Variants in TTC7A observed in about 807,000 individuals in gnomAD.
The protein encoded by TTC7A is tetratricopeptide repeat domain 7A, also known as tetratricopeptide repeat protein 7A.
A neutral mutation model predicts 103.7 loss-of-function variants in TTC7A; 110 were observed. The ratio of observed to expected loss-of-function variants is 1.06; its 90% CI spans 0.91 to 1.24. TTC7A has a LOEUF of 1.24. Ranked by LOEUF, TTC7A falls within the 50% of genes most tolerant of loss-of-function variation. The pLI is 0.00. For missense variants in TTC7A, 1,340 were observed against 1,116.3 expected, an observed-to-expected ratio of 1.20 and a Z score of -2.86; for synonymous variants, 521 against 467.9, an observed-to-expected ratio of 1.11 and a Z score of -1.47.
At chr2:46,999,710 G>C in intron 8 of TTC7A, 2 of 985,438 alleles carry the variant, frequency 2.0e-6, no homozygotes, top group Non-Finnish European at 2.4e-6. Context: ...GATTTTCTGA[G>C]ACAGCTGGGG....
intron 14 of TTC7A, among the ~76,000 whole-genome samples, chr2:47,028,500 A>G (rs573054102): frequency 7.9e-5 from 12 of 152,112 alleles, no homozygotes; most frequent in Non-Finnish European, 1.6e-4. Context: ...GCCCTCTTTC[A>G]TGCAGTGCTC....
At chr2:46,978,600 C>T (rs569562888) in intron 4 of TTC7A, 192 bp from the exon 5 acceptor site, 12 of 361,792 alleles carry the variant, frequency 3.3e-5, no homozygotes, top group Admixed American at 2.3e-4. Flanking sequence ...GGGCATCTAA[C>T]GGTTGGATGG....
chr2:46,940,984 G>A (rs1670282447), upstream of TTC7A, among the ~76,000 whole-genome samples: 1 of 152,122 alleles, frequency 6.6e-6, no homozygotes, highest in African/African-American at 2.4e-5. The surrounding 1 kb of genome is among the most constrained non-coding windows in gnomAD (Gnocchi z 4.7). Flanking sequence ...CGGGAAGCGA[G>A]GCGCCCCCGG....
rs917382760 is a variant in TTC7A at position 47,075,265 on chromosome 2, G to T, written c.*1342G>T. ...ACCCTGGATCCTTTGCCTCTTCTTGGTTGAAGGATCTCTATGTATGTGTGT... is the reference window on the plus strand; with the variant it reads ...ACCCTGGATCCTTTGCCTCTTCTTGTTTGAAGGATCTCTATGTATGTGTGT... On this transcript the variant is annotated 3_prime_UTR_variant, in exon 20 of 20. Transcript: ENST00000319190. 2 of 152,170 alleles carry T rather than the reference G, an allele frequency of 1.3e-5. No homozygotes were observed. Among genetic ancestry groups the T allele is most frequent in the African/African-American group, 4.8e-5 (2 of 41,434 alleles). 9.4% of individuals were successfully genotyped at this position (152,170 alleles called of 1,614,324 possible).
chr2:47,003,733 C>T (rs969365979), intron 8 of TTC7A, among the ~76,000 whole-genome samples: 18 of 152,202 alleles, frequency 1.2e-4, no homozygotes, highest in African/African-American at 3.9e-4. Context: ...CGGGGATGTG[C>T]ATCCTATAAT....
In TTC7A at chr2:46,987,805, CGCGCGT is replaced by C. The variant is rs1220167626; in HGVS notation, c.765-5643_765-5638del. Among the ~76,000 whole-genome samples the C allele has an allele frequency of 5.9e-4, 61 of 103,026 alleles. 2 individuals are homozygous for C. Among genetic ancestry groups the C allele is most frequent in the South Asian group, 2.5e-3 (8 of 3,204 alleles). 67.6% of individuals were successfully genotyped at this position (103,026 alleles called of 152,430 possible). ...GGCCGGTGAAAGCACTGTCCCTTTCCGCGCGTGTGTGTGTGTGTGTGTGTGTGTGTG... is the reference window on the plus strand; with the variant it reads ...GGCCGGTGAAAGCACTGTCCCTTTCCGTGTGTGTGTGTGTGTGTGTGTGTG... On this transcript the variant is annotated intron_variant, in intron 5 of 19. Coordinates refer to ENST00000319190, the MANE Select transcript of TTC7A (RefSeq NM_020458.4).
At chr2:46,934,101 GTCAGTACACAGGAAGAACAGAAA>G (rs1669845716) in intron 2 of TTC7A, among the ~76,000 whole-genome samples, 1 of 151,714 alleles carries the variant, frequency 6.6e-6, no homozygotes, top group Admixed American at 6.6e-5. Flanking sequence ...AAATTTTTGA[GTCAGTACACAGGAAGAACAGAAA>G]CCATCTACAC....
chr2:47,061,114 TC>T, intron 19 of TTC7A, 143 bp downstream of exon 19: 1 of 812,608 alleles, frequency 1.2e-6, no homozygotes, highest in Non-Finnish European at 1.9e-6. Flanking sequence ...GGAGGGGGCT[TC>T]CCTCCTGCTC....
chr2:47,047,913 A>G (rs1459143525), intron 16 of TTC7A, among the ~76,000 whole-genome samples: 1 of 152,164 alleles, frequency 6.6e-6, no homozygotes, highest in East Asian at 1.9e-4. Flanking sequence ...TGGGAAAGCC[A>G]GGAGGATATT....
At chr2:47,015,932 G>A (rs1328353654) in intron 11 of TTC7A, among the ~76,000 whole-genome samples, 4 of 152,192 alleles carry the variant, frequency 2.6e-5, no homozygotes, top group South Asian at 2.1e-4. Context: ...AGCAGGTTCC[G>A]GGCTCGTGGG....
intron 3 of TTC7A, among the ~76,000 whole-genome samples, chr2:46,962,539 G>T (rs1672476786): frequency 1.3e-5 from 2 of 152,370 alleles, no homozygotes; most frequent in East Asian, 1.9e-4. Flanking sequence ...CTTTGAGGGA[G>T]TGGCAGGTGG....
upstream of TTC7A, among the ~76,000 whole-genome samples, chr2:46,940,881 CA>C (rs1670272814): frequency 2.6e-5 from 4 of 152,230 alleles, no homozygotes; most frequent in South Asian, 2.1e-4. The surrounding 1 kb of genome is among the most constrained non-coding windows in gnomAD (Gnocchi z 4.7). Context: ...TGTGACGTGT[CA>C]GGGGCAGCAG....
intron 10 of TTC7A, among the ~76,000 whole-genome samples, chr2:47,008,924 CTCCG>C (rs1364305899): frequency 2.0e-5 from 3 of 151,042 alleles, no homozygotes; most frequent in Non-Finnish European, 2.9e-5. Context: ...AAAGCTGCTG[CTCCG>C]GCTGCTGAGT....
chr2:47,008,081 C>G (rs116977662), intron 10 of TTC7A, among the ~76,000 whole-genome samples: 13 of 152,064 alleles, frequency 8.5e-5, no homozygotes, highest in African/African-American at 3.1e-4. Flanking sequence ...GGGACAGGGC[C>G]GGGAGGAGGT....
At chr2:47,042,675 A>AGTGTGTGTGTGTGT (rs10587096) in intron 15 of TTC7A, among the ~76,000 whole-genome samples, 57 of 148,486 alleles carry the variant, frequency 3.8e-4, no homozygotes, top group African/African-American at 1.3e-3. Flanking sequence ...CTGAGCCCCA[A>AGTGTGTGTGTGTGT]GTGTGTGTGT....
chr2:46,950,579 C>G (rs942656559), intron 2 of TTC7A, 53 bp downstream of exon 2: 2 of 1,582,926 alleles, frequency 1.3e-6, no homozygotes, highest in Non-Finnish European at 1.7e-6. Flanking sequence ...TGTCTTGCCT[C>G]GCATCTGTCC....
intron 3 of TTC7A, among the ~76,000 whole-genome samples, chr2:46,972,994 C>T (rs1168588773): frequency 6.6e-6 from 1 of 152,210 alleles, no homozygotes; most frequent in Non-Finnish European, 1.5e-5. Flanking sequence ...GGCCAGAATT[C>T]ACTGTGGCCC....
chr2:47,036,989 C>G (rs1038177554), intron 15 of TTC7A, among the ~76,000 whole-genome samples: 2 of 152,198 alleles, frequency 1.3e-5, no homozygotes, highest in Non-Finnish European at 2.9e-5. Context: ...GAGGGGCAGG[C>G]TGGCTCCTGC....
Position 47,007,932 on chromosome 2 carries a change from A to G in TTC7A, c.1287+1208A>G, listed in dbSNP as rs374144719. On this transcript the variant is annotated intron_variant, in intron 10 of 19. Coordinates refer to ENST00000319190, the MANE Select transcript of TTC7A (RefSeq NM_020458.4). The surrounding 1 kb of genome is among the most constrained non-coding windows in gnomAD (Gnocchi z 4.9). ...GCAAGGCCCTGGCCCTCCAAGGGTTAGAGAGTGAGAGAAACCCTCCTACAG... is the reference window on the plus strand; with the variant it reads ...GCAAGGCCCTGGCCCTCCAAGGGTTGGAGAGTGAGAGAAACCCTCCTACAG... Among the ~76,000 whole-genome samples the G allele has an allele frequency of 1.3e-5, 2 of 152,384 alleles. No individual in the cohort carries two copies. The highest frequency in any genetic ancestry group is 4.8e-5 in the African/African-American group (2 of 41,598).
Sources: gnomAD v4.1 joint callset for allele counts (sites outside exome capture counted in the v4.1 genomes callset) on GRCh38, gnomAD v4.1.1 for gene constraint, Gnocchi (gnomAD v3.1) non-coding constraint, MANE v1.5 for transcripts, NCBI Gene and HGNC (gene_info 2026-07-23, HGNC 2026-07-21) for gene names.